CDKL3: variants seen among roughly 807,000 people sequenced by gnomAD.
CDKL3 encodes the protein cyclin dependent kinase like 3.
Under a neutral mutation model 69.3 loss-of-function variants are expected in CDKL3, and 65 were observed. That is an observed-to-expected ratio of 0.94 (90% CI 0.77 to 1.15). The LOEUF is 1.15. Ranked by LOEUF, CDKL3 falls within the 50% of genes most tolerant of loss-of-function variation. The pLI, the probability that CDKL3 is intolerant of heterozygous loss-of-function variation, is 0.00. For synonymous variants in CDKL3, 202 were observed against 221.6 expected (o/e 0.91, Z 0.79); for missense variants, 652 against 689.2 (o/e 0.95, Z 0.61).
In CDKL3 at chr5:134,367,167, G is replaced by A; in HGVS notation, c.-212C>T. On this transcript the variant is annotated 5_prime_UTR_variant, in exon 1 of 13. It adds an upstream start codon to the 5' untranslated region. Transcript: ENST00000265334. ...ATGGAAACGCCGGCGGAGTTGCTGC[G>A]TTCTAGACTCGTGCGCAAGACCGGA... The A allele has an allele frequency of 1.0e-6, 1 of 985,738 alleles. No homozygotes were observed. The highest frequency in any genetic ancestry group is 1.2e-6 in the Non-Finnish European group (1 of 830,204). The allele number at this position is 985,738 out of a possible 1,614,324, so 61.1% of individuals were successfully genotyped here.
intron 7 of CDKL3, among the ~76,000 whole-genome samples, chr5:134,311,724 A>T (rs1373486349): frequency 1.3e-5 from 2 of 152,210 alleles, no homozygotes. Flanking sequence ...GTATGTAAAG[A>T]GCAGAGCACA....
At chr5:134,349,275 T>G (rs570637448) in intron 4 of CDKL3, among the ~76,000 whole-genome samples, 438 of 152,308 alleles carry the variant, frequency 2.9e-3, no homozygotes, top group African/African-American at 0.01. Context: ...TCCTCCTCCA[T>G]GTATTCTATT....
chr5:134,343,464 A>C (rs1302836107), intron 4 of CDKL3, among the ~76,000 whole-genome samples: 2 of 152,196 alleles, frequency 1.3e-5, no homozygotes, highest in Non-Finnish European at 2.9e-5. Flanking sequence ...AAAGACAGTA[A>C]CAACCCTTTC....
chr5:134,303,694 A>G (rs1766973695), intron 11 of CDKL3, among the ~76,000 whole-genome samples: 1 of 146,218 alleles, frequency 6.8e-6, no homozygotes, highest in African/African-American at 2.5e-5. Flanking sequence ...TACTAAAAAT[A>G]CAAAAATTAG....
chr5:134,317,297 G>A (rs149554770), intron 6 of CDKL3, among the ~76,000 whole-genome samples: 359 of 151,906 alleles, frequency 2.4e-3, no homozygotes, highest in African/African-American at 3.7e-3. Flanking sequence ...CACCACGCCC[G>A]GCTAATTTTT....
At chr5:134,340,109 A>G (rs1750101383) in intron 4 of CDKL3, among the ~76,000 whole-genome samples, 8 of 152,046 alleles carry the variant, frequency 5.3e-5, no homozygotes. Context: ...ATCCGAGATC[A>G]CACCACTGCA....
chr5:134,319,296 C>CT, intron 6 of CDKL3, 62 bp downstream of exon 6: 1 of 1,344,822 alleles, frequency 7.4e-7, no homozygotes, highest in African/African-American at 1.5e-5. Context: ...CTCCACTGCA[C>CT]TACAGCCTGG....
chr5:134,295,637 T>C (rs1204796796), downstream of CDKL3, among the ~76,000 whole-genome samples: 1 of 152,222 alleles, frequency 6.6e-6, no homozygotes, highest in African/African-American at 2.4e-5. Context: ...ATCAAGCTTT[T>C]TTGAGATTAA....
At chr5:134,323,194 C>A (rs1450053783) in intron 4 of CDKL3, among the ~76,000 whole-genome samples, 1 of 152,114 alleles carries the variant, frequency 6.6e-6, no homozygotes, top group Non-Finnish European at 1.5e-5. Context: ...CAATCCCAGA[C>A]AAAATCCCAG....
intron 3 of CDKL3, among the ~76,000 whole-genome samples, chr5:134,352,176 C>T (rs1368104315): frequency 6.6e-6 from 1 of 152,108 alleles, no homozygotes; most frequent in Non-Finnish European, 1.5e-5. Context: ...CTTACCATAA[C>T]GTCCTCCAGG....
At chr5:134,347,013 G>A (rs1350803880) in intron 4 of CDKL3, among the ~76,000 whole-genome samples, 1 of 151,784 alleles carries the variant, frequency 6.6e-6, no homozygotes, top group Non-Finnish European at 1.5e-5. Context: ...CCAAATAAGG[G>A]GAAATGTCCA....
chr5:134,345,862 GCAC>G (rs1013311381), intron 4 of CDKL3, among the ~76,000 whole-genome samples: 4 of 152,206 alleles, frequency 2.6e-5, no homozygotes, highest in Non-Finnish European at 4.4e-5. Context: ...AGGCCTGACA[GCAC>G]CCACTGATTT....
At chr5:134,345,067 A>G (rs541467833) in intron 4 of CDKL3, among the ~76,000 whole-genome samples, 70 of 152,234 alleles carry the variant, frequency 4.6e-4, no homozygotes, top group Middle Eastern at 3.4e-3. Context: ...TCTGTCTCAA[A>G]AAAAATAAAA....
chr5:134,364,519 C>CT (rs999846653), intron 2 of CDKL3, among the ~76,000 whole-genome samples: 61 of 147,516 alleles, frequency 4.1e-4, no homozygotes, highest in East Asian at 3.6e-3. Flanking sequence ...TCTTTCATGT[C>CT]TTTTTTTTTT....
Position 134,360,001 on chromosome 5 carries a change from C to A in CDKL3, c.256G>T (p.Val86Leu). The A allele has an allele frequency of 6.4e-7, 1 of 1,564,036 alleles. No homozygotes were observed. The highest frequency in any genetic ancestry group is 8.7e-7 in the Non-Finnish European group (1 of 1,151,742). Residue 86 changes from valine (V) to leucine (L), a missense_variant, in exon 3 of 13, where the codon GTA (valine) becomes TTA (leucine). Transcript: ENST00000265334. The stretch of plus-strand genomic sequence containing the variant: ...CAATAATGTTGTAACTCATCTAATA[C>A]TGTGTGGTCAATAAATTCAAATACC... ...HLVFEFIDHT[V>L]LDELQHYCHG...
intron 8 of CDKL3, among the ~76,000 whole-genome samples, chr5:134,293,002 CTTTTTTTTTTTT>C (rs558156596): frequency 1.1e-4 from 5 of 43,896 alleles, no homozygotes; most frequent in Non-Finnish European, 1.8e-4. Context: ...CTGCCAATTT[CTTTTTTTTTTTT>C]TTTTTTTTTT....
At chr5:134,343,059 G>C (rs1750923584) in intron 4 of CDKL3, among the ~76,000 whole-genome samples, 1 of 152,096 alleles carries the variant, frequency 6.6e-6, no homozygotes, top group Admixed American at 6.6e-5. Flanking sequence ...TTAAAAATTA[G>C]CCAGGCTTGG....
chr5:134,340,486 A>C (rs957168435), intron 4 of CDKL3, among the ~76,000 whole-genome samples: 1 of 152,188 alleles, frequency 6.6e-6, no homozygotes, highest in African/African-American at 2.4e-5. Context: ...ACCAAGAGCA[A>C]AAGAGAGAAA....
intron 8 of CDKL3, among the ~76,000 whole-genome samples, chr5:134,292,190 A>G (rs946170386): frequency 4.6e-5 from 7 of 152,188 alleles, no homozygotes; most frequent in African/African-American, 1.4e-4. Flanking sequence ...CTCAAGCACA[A>G]ATATTCACTA....
Sources: allele counts gnomAD v4.1 joint callset (sites outside exome capture counted in the v4.1 genomes callset), GRCh38; gene constraint gnomAD v4.1.1; transcripts MANE v1.5; gene names NCBI Gene and HGNC (gene_info 2026-07-23, HGNC 2026-07-21).